Variants in DOK6 observed in about 807,000 individuals in gnomAD.
DOK6 encodes docking protein 6.
DOK6 carries 22 observed loss-of-function variants against 44.0 expected under a neutral mutation model. The ratio of observed to expected loss-of-function variants is 0.50; its 90% CI spans 0.36 to 0.71. The LOEUF is 0.71. DOK6 is among the 30% of genes least tolerant of loss of function. The pLI is 0.00. For missense variants in DOK6, 340 were observed against 416.4 expected, an observed-to-expected ratio of 0.82 and a Z score of 1.60; for synonymous variants, 166 against 145.5, an observed-to-expected ratio of 1.14 and a Z score of -1.01.
intron 1 of DOK6, among the ~76,000 whole-genome samples, chr18:69,492,977 A>C: frequency 6.6e-6 from 1 of 152,002 alleles, no homozygotes. Flanking sequence ...CCTGCCTTAT[A>C]TTTAAGAATC....
chr18:69,827,362 T>G (rs1981771434), intron 7 of DOK6, among the ~76,000 whole-genome samples: 1 of 152,086 alleles, frequency 6.6e-6, no homozygotes, highest in Non-Finnish European at 1.5e-5. Context: ...CATTGTAGCC[T>G]TATAAGAGTG....
chr18:69,653,309 CAA>C (rs34616737), intron 3 of DOK6, among the ~76,000 whole-genome samples: 84 of 127,932 alleles, frequency 6.6e-4, no homozygotes, highest in South Asian at 1.8e-3. Context: ...GAGACTGGGA[CAA>C]AAAAAAAAAA....
At chr18:69,433,954 T>G (rs1204534502) in intron 1 of DOK6, among the ~76,000 whole-genome samples, 1 of 152,196 alleles carries the variant, frequency 6.6e-6, no homozygotes, top group East Asian at 1.9e-4. Flanking sequence ...GAAAACTACA[T>G]GTACTAACTT....
intron 3 of DOK6, among the ~76,000 whole-genome samples, chr18:69,616,761 A>G (rs921918630): frequency 2.0e-5 from 3 of 152,198 alleles, no homozygotes; most frequent in African/African-American, 7.2e-5. Context: ...GTTTTACCAT[A>G]TGATACCCTG....
chr18:69,766,742 A>G (rs1464674891), intron 7 of DOK6, among the ~76,000 whole-genome samples: 1 of 152,176 alleles, frequency 6.6e-6, no homozygotes, highest in Non-Finnish European at 1.5e-5. Flanking sequence ...CCACACATAA[A>G]TGAACCCATG....
At chr18:69,663,786 T>C (rs1476811016) in intron 3 of DOK6, among the ~76,000 whole-genome samples, 1 of 152,184 alleles carries the variant, frequency 6.6e-6, no homozygotes, top group African/African-American at 2.4e-5. Context: ...TAATTTTAGA[T>C]ACTGTGTGAC....
chr18:69,709,604 C>T (rs1312456430), intron 5 of DOK6, among the ~76,000 whole-genome samples: 1 of 152,066 alleles, frequency 6.6e-6, no homozygotes, highest in African/African-American at 2.4e-5. Flanking sequence ...TTATCTTTTA[C>T]ATACACATAT....
chr18:69,690,891 T>C (rs537898544), intron 4 of DOK6, among the ~76,000 whole-genome samples: 2 of 152,176 alleles, frequency 1.3e-5, no homozygotes, highest in African/African-American at 4.8e-5. Context: ...TTAAAGAATA[T>C]AGAATTGGGC....
intron 3 of DOK6, among the ~76,000 whole-genome samples, chr18:69,653,098 C>T (rs118166796): frequency 6.6e-6 from 1 of 152,000 alleles, no homozygotes. Context: ...TTGAAAGTAT[C>T]TAAGAAACAT....
chr18:69,567,978 A>T (rs1470215673), intron 2 of DOK6, among the ~76,000 whole-genome samples: 2 of 152,086 alleles, frequency 1.3e-5, no homozygotes, highest in Non-Finnish European at 2.9e-5. Flanking sequence ...GCTCTCCCTT[A>T]CAGGGTCAGC....
At chr18:69,527,901 A>C (rs558020190) in intron 1 of DOK6, among the ~76,000 whole-genome samples, 1 of 152,162 alleles carries the variant, frequency 6.6e-6, no homozygotes, top group Non-Finnish European at 1.5e-5. Context: ...GGTGGCTCAC[A>C]CCTGTAATCC....
At chr18:69,461,252 T>C (rs1431080297) in intron 1 of DOK6, among the ~76,000 whole-genome samples, 2 of 152,184 alleles carry the variant, frequency 1.3e-5, no homozygotes, top group African/African-American at 4.8e-5. Flanking sequence ...TGCAATCTTA[T>C]CTGGAACTCA....
chr18:69,437,646 T>C (rs1979020348), intron 1 of DOK6, among the ~76,000 whole-genome samples: 1 of 152,212 alleles, frequency 6.6e-6, no homozygotes, highest in Non-Finnish European at 1.5e-5. Flanking sequence ...TTGTTTTGGC[T>C]ATATGGGCTC....
At chr18:69,796,731 A>C (rs1342009525) in intron 7 of DOK6, among the ~76,000 whole-genome samples, 1 of 152,212 alleles carries the variant, frequency 6.6e-6, no homozygotes, top group Non-Finnish European at 1.5e-5. Context: ...ACATGTCCAG[A>C]AAAGAGGCAC....
intron 5 of DOK6, among the ~76,000 whole-genome samples, chr18:69,725,391 G>T (rs1338089358): frequency 1.3e-5 from 2 of 152,212 alleles, no homozygotes; most frequent in East Asian, 1.9e-4. Context: ...ATGTTCAAAA[G>T]AACAGGAAAC....
intron 7 of DOK6, among the ~76,000 whole-genome samples, chr18:69,768,702 T>C (rs1458315457): frequency 1.3e-5 from 2 of 151,200 alleles, no homozygotes; most frequent in Non-Finnish European, 3.0e-5. Context: ...TCCTTAAAAT[T>C]ACACTTGCCA....
At chr18:69,629,599 T>G (rs1984643074) in intron 3 of DOK6, among the ~76,000 whole-genome samples, 1 of 152,140 alleles carries the variant, frequency 6.6e-6, no homozygotes, top group Non-Finnish European at 1.5e-5. Context: ...AGGAACTAGT[T>G]AATAGAATGA....
At chr18:69,585,787 A>G (rs147564981) in intron 2 of DOK6, among the ~76,000 whole-genome samples, 121 of 152,370 alleles carry the variant, frequency 7.9e-4, no homozygotes, top group African/African-American at 2.8e-3. Context: ...AATAACATTC[A>G]TAGACTGATA....
chr18:69,425,803 T>A (rs1041333166), intron 1 of DOK6, among the ~76,000 whole-genome samples: 1 of 152,084 alleles, frequency 6.6e-6, no homozygotes, highest in Non-Finnish European at 1.5e-5. Flanking sequence ...TTGACTTTAT[T>A]TCACTATCTG....
Sources: allele counts gnomAD v4.1 joint callset (sites outside exome capture counted in the v4.1 genomes callset), GRCh38; gene constraint gnomAD v4.1.1; transcripts MANE v1.5; gene names NCBI Gene and HGNC (gene_info 2026-07-23, HGNC 2026-07-21).